SYT4: variants seen among roughly 807,000 people sequenced by gnomAD.
SYT4 encodes synaptotagmin-4.
SYT4 carries 7 observed loss-of-function variants against 32.9 expected under a neutral mutation model. The observed-to-expected ratio is 0.21, with a 90% CI of 0.12 to 0.40. The LOEUF is 0.40. Among genes scored for constraint, SYT4 ranks in the 10% least tolerant of loss-of-function variants. The pLI is 1.00. For synonymous variants in SYT4, 205 were observed against 186.2 expected, an observed-to-expected ratio of 1.10 and a Z score of -0.82; for missense variants, 480 against 488.0, an observed-to-expected ratio of 0.98 and a Z score of 0.16.
chr18:43,268,390 G>T lies in SYT4; in HGVS notation c.*1951C>A, dbSNP rs1047143305. On this transcript the variant is annotated 3_prime_UTR_variant, in exon 4 of 4. Coordinates refer to ENST00000255224, the MANE Select transcript of SYT4 (RefSeq NM_020783.4). ...CATTTTAATTTTAAAAATGTTTGTT[G>T]TTGGTTTCATTGTTCCATGTTAAAA... 7.6e-6 allele frequency: 1 copy of T among 131,408 alleles called. No homozygotes were observed. Among genetic ancestry groups the T allele is most frequent in the African/African-American group, 2.8e-5 (1 of 35,612 alleles). The allele number at this position is 131,408 out of a possible 1,614,324, so 8.1% of individuals were successfully genotyped here.
Position 43,268,034 on chromosome 18 carries a change from A to G in SYT4, c.*2307T>C, listed in dbSNP as rs1361572226. On this transcript the variant is annotated 3_prime_UTR_variant, in exon 4 of 4. Transcript: ENST00000255224. ...CTATTGAGTTACAACATCAGAACAA[A>G]TCAATTACTGAGTTACACAGTTCTT... is the stretch of plus-strand genomic sequence containing the variant. 6.6e-6 allele frequency: 1 copy of G among 152,354 alleles called. No individual in the cohort carries two copies. The highest frequency in any genetic ancestry group is 1.5e-5 in the Non-Finnish European group (1 of 68,042). The allele number at this position is 152,354 out of a possible 1,614,324, so 9.4% of individuals were successfully genotyped here.
At position 43,273,764 on chromosome 18, in the gene SYT4, G is replaced by T. The variant is rs756734369; in HGVS notation, c.665C>A (p.Thr222Asn). 4.3e-6 allele frequency: 7 copies of T among 1,613,978 alleles called. No homozygotes were observed. The South Asian group carries it at 7.7e-5, about 18-fold the overall frequency. ...GTAGGGTATCCCATAGAATGTAAAG[G>T]TCTCATCAAAAGCTGGATCCAAGGT... is the stretch of plus-strand genomic sequence containing the variant. ...RKTLDPAFDE[T>N]FTFYGIPYTQ... Residue 222 changes from threonine (T) to asparagine (N), a missense_variant, in exon 2 of 4, where the codon ACC becomes AAC. By Grantham distance (65) the Thr-to-Asn change is moderately conservative. Coordinates refer to ENST00000255224, the MANE Select transcript of SYT4 (RefSeq NM_020783.4).
intron 2 of SYT4, among the ~76,000 whole-genome samples, chr18:43,272,656 A>C (rs1908665042): frequency 6.6e-6 from 1 of 152,174 alleles, no homozygotes; most frequent in African/African-American, 2.4e-5. Context: ...TACAAAAACT[A>C]ATATGGGACA....
At chr18:43,276,788 T>C (rs1039764120) in intron 1 of SYT4, among the ~76,000 whole-genome samples, 14 of 152,210 alleles carry the variant, frequency 9.2e-5, no homozygotes, top group Non-Finnish European at 1.5e-5. Context: ...GTACGCCCTG[T>C]AATAAAATAT....
rs1399100693 is a variant in SYT4, at chr18:43,269,207, G to T, written c.*1134C>A. On this transcript the variant is annotated 3_prime_UTR_variant, in exon 4 of 4. Transcript: ENST00000255224. ...AAGATAGTGAAACACATTCTTTGTT[G>T]TGCTAATTTGACAGCCTAAGCATAT... The T allele has an allele frequency of 2.0e-5, 3 of 152,284 alleles. No homozygotes were observed. The highest frequency in any genetic ancestry group is 7.2e-5 in the African/African-American group (3 of 41,558). The allele number at this position is 152,284 out of a possible 1,614,324, so 9.4% of individuals were successfully genotyped here.
In SYT4 at chr18:43,273,747, T is replaced by A. The variant is rs775916173; in HGVS notation, c.682A>T (p.Ile228Leu). The change falls in exon 2 of 4, where the codon ATA (isoleucine) becomes TTA (leucine). Residue 228 changes from isoleucine to leucine, a missense_variant. Transcript: ENST00000255224. The part of the protein sequence containing the change: ...AFDETFTFYG[I>L]PYTQIQELAL... ...AATTCTTGGATTTGGGTGTAGGGTATCCCATAGAATGTAAAGGTCTCATCA... is the reference window on the plus strand; with the variant it reads ...AATTCTTGGATTTGGGTGTAGGGTAACCCATAGAATGTAAAGGTCTCATCA... 5 of 1,613,892 alleles carry A rather than the reference T, an allele frequency of 3.1e-6. No individual in the cohort carries two copies. Among genetic ancestry groups the A allele is most frequent in the Non-Finnish European group, 4.2e-6 (5 of 1,179,918 alleles).
intron 1 of SYT4, among the ~76,000 whole-genome samples, chr18:43,274,822 A>G: frequency 6.6e-6 from 1 of 152,030 alleles, no homozygotes; most frequent in Admixed American, 6.6e-5. Flanking sequence ...GTAGTTCTTT[A>G]CTCAGAATTC....
Position 43,270,225 on chromosome 18 carries a change from C to T in SYT4, c.*116G>A. 3.6e-6 allele frequency: 4 copies of T among 1,105,666 alleles called. No individual in the cohort carries two copies. Among genetic ancestry groups the T allele is most frequent in the Non-Finnish European group, 5.2e-6 (4 of 767,516 alleles). The allele number at this position is 1,105,666 out of a possible 1,614,324, so 68.5% of individuals were successfully genotyped here. A position where few individuals can be genotyped will look rare whatever the true frequency, so the allele number is the denominator to read the frequency against. ...TACTAATTCAATCCATTTCTAGCAA[C>T]AACAACAACAACAAAAAGGTAGCTT... is the stretch of plus-strand genomic sequence containing the variant. On this transcript the variant is annotated 3_prime_UTR_variant, in exon 4 of 4. Transcript: ENST00000255224.
In SYT4 at chr18:43,273,719, G is replaced by A. The variant is rs1259544223; in HGVS notation, c.710C>T (p.Ala237Val). 6.2e-7 allele frequency: 1 copy of A among 1,613,976 alleles called. No homozygotes were observed. Among genetic ancestry groups the A allele is most frequent in the Admixed American group, 1.7e-5 (1 of 60,012 alleles). ...GIPYTQIQEL[A>V]LHFTILSFDR... is the part of the protein sequence containing the mutation. Reference sequence around the variant, plus strand: ...AAAACTCAAAATTGTGAAGTGCAAGGCCAATTCTTGGATTTGGGTGTAGGG... The same window carrying A: ...AAAACTCAAAATTGTGAAGTGCAAGACCAATTCTTGGATTTGGGTGTAGGG... Residue 237 changes from alanine (A) to valine (V), a missense_variant, in exon 2 of 4, where the codon GCC becomes GTC. Physicochemically the swap from Ala to Val is moderately conservative, Grantham distance 64 (BLOSUM62 0). Transcript: ENST00000255224.
chr18:43,275,200 A>G (rs1908755818), intron 1 of SYT4, among the ~76,000 whole-genome samples: 1 of 152,154 alleles, frequency 6.6e-6, no homozygotes, highest in Admixed American at 6.5e-5. Flanking sequence ...AATTTTATCT[A>G]TAACTGTCTC....
chr18:43,277,230 G>A lies in SYT4; in HGVS notation c.34+18C>T. On this transcript the variant is annotated intron_variant, in intron 1 of 3. Coordinates refer to ENST00000255224, the MANE Select transcript of SYT4 (RefSeq NM_020783.4). ...ATTCAAGGAATAACCGCAGTCATAA[G>A]TTCAGTAACTTGCTTACCAAATTCT... is the stretch of plus-strand genomic sequence containing the variant. 6 of 1,613,946 alleles carry A rather than the reference G, an allele frequency of 3.7e-6. No individual in the cohort carries two copies. The highest frequency in any genetic ancestry group is 5.1e-6 in the Non-Finnish European group (6 of 1,179,904).
intron 2 of SYT4, 52 bp from the exon 3 acceptor site, chr18:43,271,884 T>C (rs759089325): frequency 3.2e-6 from 5 of 1,547,414 alleles, no homozygotes; most frequent in Non-Finnish European, 2.6e-6. Context: ...AACTTTGAAG[T>C]GTGTACTTTC....
At position 43,273,714 on chromosome 18, in the gene SYT4, G is replaced by T; in HGVS notation, c.715C>A (p.His239Asn). The change falls in exon 2 of 4, where the codon CAC (histidine) becomes AAC (asparagine). Residue 239 changes from histidine to asparagine, a missense_variant. Transcript: ENST00000255224. Reference protein sequence around the residue: ...PYTQIQELALHFTILSFDRFS... With the variant: ...PYTQIQELALNFTILSFDRFS... Reference sequence around the variant, plus strand: ...CTGTCAAAACTCAAAATTGTGAAGTGCAAGGCCAATTCTTGGATTTGGGTG... The same window carrying T: ...CTGTCAAAACTCAAAATTGTGAAGTTCAAGGCCAATTCTTGGATTTGGGTG... 6.2e-7 allele frequency: 1 copy of T among 1,614,000 alleles called. No homozygotes were observed. The highest frequency in any genetic ancestry group is 8.5e-7 in the Non-Finnish European group (1 of 1,179,908).
intron 1 of SYT4, among the ~76,000 whole-genome samples, chr18:43,275,771 C>T (rs573196052): frequency 6.6e-6 from 1 of 152,092 alleles, no homozygotes; most frequent in South Asian, 2.1e-4. Context: ...ATGAAATAAA[C>T]CTTTGACTTC....
chr18:43,270,745 C>T, intron 3 of SYT4, 97 bp from the exon 4 acceptor site: 1 of 1,304,396 alleles, frequency 7.7e-7, no homozygotes. Context: ...ATGCCAATGA[C>T]ATGTGGTTAC....
At chr18:43,275,268 T>C (rs1238118299) in intron 1 of SYT4, among the ~76,000 whole-genome samples, 2 of 152,166 alleles carry the variant, frequency 1.3e-5, no homozygotes, top group Non-Finnish European at 2.9e-5. Flanking sequence ...ATTATTTTCT[T>C]GAATGATGGC....
chr18:43,268,822 T>C lies in SYT4; in HGVS notation c.*1519A>G, dbSNP rs974763711. ...TAGGCATAGTCATAAAAAGCATGTATAAGTTGTTTGGAAAATGCATTTTTC... is the reference window on the plus strand; with the variant it reads ...TAGGCATAGTCATAAAAAGCATGTACAAGTTGTTTGGAAAATGCATTTTTC... On this transcript the variant is annotated 3_prime_UTR_variant, in exon 4 of 4. Transcript: ENST00000255224. 1 of 152,680 alleles carries C rather than the reference T, an allele frequency of 6.5e-6. No individual in the cohort carries two copies. The highest frequency in any genetic ancestry group is 1.5e-5 in the Non-Finnish European group (1 of 68,046). The allele number at this position is 152,680 out of a possible 1,614,324, so 9.5% of individuals were successfully genotyped here.
At chr18:43,275,037 A>T (rs1310277435) in intron 1 of SYT4, among the ~76,000 whole-genome samples, 1 of 152,166 alleles carries the variant, frequency 6.6e-6, no homozygotes, top group African/African-American at 2.4e-5. Flanking sequence ...TAACACTATC[A>T]TCCCTTTGTA....
chr18:43,272,864 A>T (rs1048305386), intron 2 of SYT4, among the ~76,000 whole-genome samples: 5 of 152,306 alleles, frequency 3.3e-5, no homozygotes, highest in Middle Eastern at 3.4e-3. Flanking sequence ...TTGTTTAAAA[A>T]ACACAAATTA....
Sources: gnomAD v4.1 joint callset for allele counts (sites outside exome capture counted in the v4.1 genomes callset) on GRCh38, gnomAD v4.1.1 for gene constraint, MANE v1.5 for transcripts, NCBI Gene and HGNC (gene_info 2026-07-23, HGNC 2026-07-21) for gene names.